The following PDE6A variants were observed in gnomAD, a reference collection of about 807,000 sequenced individuals.
PDE6A encodes rod cGMP-specific 3',5'-cyclic phosphodiesterase subunit alpha.
A neutral mutation model predicts 106.3 loss-of-function variants in PDE6A; 84 were observed. That is an observed-to-expected ratio of 0.79 (90% CI 0.66 to 0.95). The LOEUF is 0.95. PDE6A is among the 40% of genes least tolerant of loss of function. The pLI, the probability that PDE6A is intolerant of heterozygous loss-of-function variation, is 0.00. For synonymous variants in PDE6A, 394 were observed against 386.6 expected, an observed-to-expected ratio of 1.02 and a Z score of -0.23; for missense variants, 1,052 against 1,084.9, an observed-to-expected ratio of 0.97 and a Z score of 0.43.
At chr5:149,923,499 AATAAATAACATAAC>A in intron 4 of PDE6A, among the ~76,000 whole-genome samples, 2 of 149,970 alleles carry the variant, frequency 1.3e-5, no homozygotes, top group Non-Finnish European at 3.0e-5. Flanking sequence ...CTCTGTCTCA[AATAAATAACATAAC>A]ATAACATAAC....
At chr5:149,932,855 C>T (rs969782621) in intron 3 of PDE6A, among the ~76,000 whole-genome samples, 1 of 152,238 alleles carries the variant, frequency 6.6e-6, no homozygotes, top group Non-Finnish European at 1.5e-5. Flanking sequence ...TGAGGACCGC[C>T]GCCCTCCGGC....
At chr5:149,884,991 A>G (rs1354273377) in intron 14 of PDE6A, 124 bp from the exon 15 acceptor site, 12 of 778,218 alleles carry the variant, frequency 1.5e-5, no homozygotes, top group Non-Finnish European at 2.2e-5. Context: ...TTGGGTCGTG[A>G]ACTCATTAGA....
intron 14 of PDE6A, among the ~76,000 whole-genome samples, chr5:149,885,338 G>A: frequency 6.6e-6 from 1 of 152,226 alleles, no homozygotes; most frequent in East Asian, 1.9e-4. Context: ...GCTTGTTAAT[G>A]ACTTACAGGC....
At chr5:149,928,508 T>C (rs141105848) in intron 4 of PDE6A, among the ~76,000 whole-genome samples, 1,601 of 152,076 alleles carry the variant, frequency 0.011, 14 homozygotes, top group Middle Eastern at 0.02. Flanking sequence ...AGTGTTGGGA[T>C]TACAGGCGTG....
At chr5:149,894,946 A>G (rs1019538980) in intron 13 of PDE6A, among the ~76,000 whole-genome samples, 1 of 152,038 alleles carries the variant, frequency 6.6e-6, no homozygotes, top group African/African-American at 2.4e-5. Context: ...TGACATGGTT[A>G]CCCCCAAATA....
intron 4 of PDE6A, among the ~76,000 whole-genome samples, chr5:149,929,625 T>TAAATAAAA (rs1753970563): frequency 6.8e-6 from 1 of 147,522 alleles, no homozygotes; most frequent in African/African-American, 2.6e-5. Flanking sequence ...AATAAATAAA[T>TAAATAAAA]AAATAAATAA....
intron 20 of PDE6A, among the ~76,000 whole-genome samples, chr5:149,865,331 G>T (rs1760290613): frequency 6.6e-6 from 1 of 151,456 alleles, no homozygotes; most frequent in Non-Finnish European, 1.5e-5. Flanking sequence ...GATCATTTGG[G>T]CCTGGGAGGT....
chr5:149,870,720 G>A (rs555840536), intron 17 of PDE6A, among the ~76,000 whole-genome samples: 1 of 149,174 alleles, frequency 6.7e-6, no homozygotes, highest in South Asian at 2.2e-4. Flanking sequence ...CTGGGCACAG[G>A]GGATCCAGAG....
intron 5 of PDE6A, among the ~76,000 whole-genome samples, chr5:149,919,997 C>A (rs142466419): frequency 2.0e-5 from 3 of 151,894 alleles, no homozygotes; most frequent in Non-Finnish European, 4.4e-5. Context: ...GCAGATAAAG[C>A]GTGAGAGGGA....
chr5:149,898,554 A>C (rs1437488532), intron 9 of PDE6A, 48 bp from the exon 10 acceptor site: 2 of 1,586,830 alleles, frequency 1.3e-6, no homozygotes, highest in Non-Finnish European at 1.7e-6. Flanking sequence ...CCTAAGTTTA[A>C]TCTTGACTCT....
intron 13 of PDE6A, among the ~76,000 whole-genome samples, chr5:149,891,152 T>G (rs896757131): frequency 2.6e-5 from 4 of 152,048 alleles, no homozygotes; most frequent in African/African-American, 4.8e-5. Flanking sequence ...GATGACAAAA[T>G]AGTGACAAGG....
At position 149,898,479 on chromosome 5, in the gene PDE6A, C is replaced by CAGA; in HGVS notation, c.1288_1290dup (p.Ser430dup). 6.2e-7 allele frequency: 1 copy of CAGA among 1,613,666 alleles called. No homozygotes were observed. Among genetic ancestry groups the CAGA allele is most frequent in the Non-Finnish European group, 8.5e-7 (1 of 1,179,922 alleles). ...GACTCATAGGTGTCAGGATTTAAGA[C>CAGA]AGACCAGCCCAGAAATTGAGTCAAA... On this transcript the variant is annotated inframe_insertion, in exon 10 of 22. Coordinates refer to ENST00000255266, the MANE Select transcript of PDE6A (RefSeq NM_000440.3).
At chr5:149,871,697 T>C (rs1760561906) in intron 17 of PDE6A, among the ~76,000 whole-genome samples, 1 of 151,944 alleles carries the variant, frequency 6.6e-6, no homozygotes, top group African/African-American at 2.4e-5. Flanking sequence ...AGGGGATGGT[T>C]TTCATGCTAC....
intron 11 of PDE6A, 77 bp downstream of exon 11, chr5:149,896,634 A>T: frequency 1.2e-6 from 2 of 1,613,786 alleles, no homozygotes; most frequent in East Asian, 4.5e-5. Flanking sequence ...ATGCTTTGCA[A>T]GGAGAAACCC....
chr5:149,893,368 C>T (rs1307527312), intron 13 of PDE6A, among the ~76,000 whole-genome samples: 1 of 152,166 alleles, frequency 6.6e-6, no homozygotes, highest in Admixed American at 6.5e-5. Context: ...GAAGGTTTTC[C>T]ACAGAAACAG....
At chr5:149,941,796 A>T (rs991568395) in intron 1 of PDE6A, among the ~76,000 whole-genome samples, 8 of 152,258 alleles carry the variant, frequency 5.3e-5, no homozygotes, top group Non-Finnish European at 7.3e-5. Flanking sequence ...AGACAGCGCT[A>T]CATCGGTGTC....
At chr5:149,874,548 T>A (rs1326337735) in intron 17 of PDE6A, among the ~76,000 whole-genome samples, 1 of 152,164 alleles carries the variant, frequency 6.6e-6, no homozygotes, top group Non-Finnish European at 1.5e-5. Flanking sequence ...TAGAGGTTTG[T>A]ATGGAGCTTT....
intron 8 of PDE6A, among the ~76,000 whole-genome samples, chr5:149,901,483 G>A (rs1017424961): frequency 2.0e-5 from 3 of 152,148 alleles, no homozygotes; most frequent in Non-Finnish European, 2.9e-5. Context: ...AGCCGAGATC[G>A]TGCCACTGTA....
intron 4 of PDE6A, among the ~76,000 whole-genome samples, chr5:149,927,365 T>G (rs926183888): frequency 9.9e-5 from 15 of 152,202 alleles, no homozygotes; most frequent in Non-Finnish European, 1.9e-4. Flanking sequence ...CACTGGACAC[T>G]TAGGCTACAC....
Sources: gnomAD v4.1 joint callset for allele counts (sites outside exome capture counted in the v4.1 genomes callset) on GRCh38, gnomAD v4.1.1 for gene constraint, MANE v1.5 for transcripts, NCBI Gene and HGNC (gene_info 2026-07-23, HGNC 2026-07-21) for gene names.